Variants in UBE2E2 observed in about 807,000 individuals in gnomAD.
UBE2E2 encodes the protein ubiquitin conjugating enzyme E2 E2.
UBE2E2 carries 6 observed loss-of-function variants against 24.7 expected under a neutral mutation model. The ratio of observed to expected loss-of-function variants is 0.24; its 90% CI spans 0.13 to 0.48. The LOEUF is 0.48. Ranked by LOEUF, UBE2E2 falls within the 20% of genes least tolerant of loss-of-function variation. The pLI, the probability that UBE2E2 is intolerant of heterozygous loss-of-function variation, is 0.99. For synonymous variants in UBE2E2, 104 were observed against 83.6 expected, an observed-to-expected ratio of 1.24 and a Z score of -1.33; for missense variants, 169 against 245.0, an observed-to-expected ratio of 0.69 and a Z score of 2.07.
intron 3 of UBE2E2, among the ~76,000 whole-genome samples, chr3:23,412,045 G>C (rs1029436357): frequency 6.6e-6 from 1 of 152,052 alleles, no homozygotes; most frequent in Admixed American, 6.6e-5. Flanking sequence ...TAAGATTCTT[G>C]TGCAAGCAAC....
chr3:23,258,110 A>C (rs1697786390), intron 3 of UBE2E2, among the ~76,000 whole-genome samples: 1 of 152,214 alleles, frequency 6.6e-6, no homozygotes, highest in South Asian at 2.1e-4. Flanking sequence ...ATGGGATTGG[A>C]ATGCTAGCAG....
chr3:23,360,681 A>G (rs1436817929), intron 3 of UBE2E2, among the ~76,000 whole-genome samples: 1 of 152,172 alleles, frequency 6.6e-6, no homozygotes, highest in Non-Finnish European at 1.5e-5. Context: ...TATTTTTGAA[A>G]GATTACCTGT....
At chr3:23,237,857 G>T (rs1369970675) in intron 3 of UBE2E2, among the ~76,000 whole-genome samples, 1 of 152,106 alleles carries the variant, frequency 6.6e-6, no homozygotes, top group Admixed American at 6.6e-5. Context: ...TTCTAACAGG[G>T]TCTTAATTCA....
chr3:23,522,320 C>A (rs13088756), intron 4 of UBE2E2, among the ~76,000 whole-genome samples: 9,762 of 152,052 alleles, frequency 0.064, 472 homozygotes, highest in Non-Finnish European at 0.088. Context: ...TTAGTAGAGA[C>A]AGGGTTTCAC....
At chr3:23,355,915 C>CT (rs1553605064) in intron 3 of UBE2E2, among the ~76,000 whole-genome samples, 3 of 152,208 alleles carry the variant, frequency 2.0e-5, no homozygotes, top group Non-Finnish European at 4.4e-5. Flanking sequence ...CGTAAATCAT[C>CT]TAAGACTTTC....
At chr3:23,503,717 G>A (rs1202374749) in intron 4 of UBE2E2, among the ~76,000 whole-genome samples, 1 of 151,784 alleles carries the variant, frequency 6.6e-6, no homozygotes, top group Admixed American at 6.6e-5. Flanking sequence ...ATCTGGGCAT[G>A]GTGACTCACA....
intron 3 of UBE2E2, among the ~76,000 whole-genome samples, chr3:23,321,587 T>C (rs2125290031): frequency 6.6e-6 from 1 of 150,408 alleles, no homozygotes; most frequent in Admixed American, 6.7e-5. Flanking sequence ...TGAGAGCTGC[T>C]ACTCAACTGA....
chr3:23,293,991 A>G lies in UBE2E2; in HGVS notation c.227+76679A>G, dbSNP rs188281087. Among the ~76,000 whole-genome samples the G allele has an allele frequency of 5.9e-5, 9 of 152,346 alleles. No individual in the cohort carries two copies. The East Asian group carries it at 1.7e-3, about 29-fold the overall frequency. On this transcript the variant is annotated intron_variant, in intron 3 of 5. Coordinates refer to ENST00000396703, the MANE Select transcript of UBE2E2 (RefSeq NM_152653.4). The stretch of plus-strand genomic sequence containing the variant: ...ATACATTCAACTTTAGAAGTCATAC[A>G]GTACTGTTTCTTTTGAATTGAGAAA...
rs1174177509 is a variant in UBE2E2 at position 23,589,610 on chromosome 3, A to T, written c.509-124A>T. 1.1e-6 allele frequency: 1 copy of T among 900,826 alleles called. No homozygotes were observed. Among genetic ancestry groups the T allele is most frequent in the Non-Finnish European group, 1.7e-6 (1 of 579,552 alleles). The allele number at this position is 900,826 out of a possible 1,614,324, so 55.8% of individuals were successfully genotyped here. A position where few individuals can be genotyped will look rare whatever the true frequency, so the allele number is the denominator to read the frequency against. ...GCAGGTGACTGGCTCAGCCGCAGCA[A>T]TGGTGGTCCAGGTTAGAACAGCAGC... On this transcript the variant is annotated intron_variant, in intron 5 of 5. Coordinates refer to ENST00000396703, the MANE Select transcript of UBE2E2 (RefSeq NM_152653.4). The surrounding 1 kb of genome is among the most constrained non-coding windows in gnomAD (Gnocchi z 4.1).
chr3:23,233,406 A>T (rs986526900), intron 3 of UBE2E2, among the ~76,000 whole-genome samples: 6 of 152,204 alleles, frequency 3.9e-5, no homozygotes, highest in Non-Finnish European at 7.3e-5. Context: ...AGTGGGTGGA[A>T]TAGAATAGAT....
chr3:23,362,319 C>T (rs1266395019), intron 3 of UBE2E2, among the ~76,000 whole-genome samples: 3 of 152,110 alleles, frequency 2.0e-5, no homozygotes, highest in African/African-American at 4.8e-5. Flanking sequence ...GAGCACATCC[C>T]CCTGCGCTTA....
intron 3 of UBE2E2, among the ~76,000 whole-genome samples, chr3:23,261,785 T>C (rs2125354639): frequency 6.6e-6 from 1 of 152,232 alleles, no homozygotes; most frequent in East Asian, 1.9e-4. Context: ...GTGTAGCAAA[T>C]GGCAGGATTT....
intron 3 of UBE2E2, among the ~76,000 whole-genome samples, chr3:23,497,141 A>G (rs1699618430): frequency 2.0e-5 from 3 of 152,216 alleles, no homozygotes; most frequent in African/African-American, 7.2e-5. Context: ...GCAGCTAACC[A>G]CAACTACAGA....
chr3:23,524,416 A>G (rs1228092222), intron 4 of UBE2E2, among the ~76,000 whole-genome samples: 2 of 152,186 alleles, frequency 1.3e-5, no homozygotes, highest in South Asian at 2.1e-4. Context: ...CAGGCAGGCT[A>G]TTAGAACCAT....
chr3:23,472,164 T>G, intron 3 of UBE2E2, among the ~76,000 whole-genome samples: 1 of 152,114 alleles, frequency 6.6e-6, no homozygotes, highest in Non-Finnish European at 1.5e-5. Context: ...GGTGATTGAG[T>G]AAAAATCAAT....
chr3:23,443,228 A>T (rs888468209), intron 3 of UBE2E2, among the ~76,000 whole-genome samples: 1 of 152,294 alleles, frequency 6.6e-6, no homozygotes, highest in Non-Finnish European at 1.5e-5. Flanking sequence ...AATGACCTCA[A>T]ATATCATAAA....
chr3:23,300,998 T>C (rs1699064608), intron 3 of UBE2E2, among the ~76,000 whole-genome samples: 1 of 152,208 alleles, frequency 6.6e-6, no homozygotes, highest in Admixed American at 6.5e-5. Flanking sequence ...TATTCTTTTT[T>C]CTCTAAACTT....
At chr3:23,371,840 G>C (rs1447775556) in intron 3 of UBE2E2, among the ~76,000 whole-genome samples, 2 of 152,158 alleles carry the variant, frequency 1.3e-5, no homozygotes, top group Non-Finnish European at 2.9e-5. Context: ...CATTGAGACT[G>C]GGCACCGTGG....
chr3:23,422,837 T>G (rs747976155), intron 3 of UBE2E2, among the ~76,000 whole-genome samples: 4 of 151,962 alleles, frequency 2.6e-5, no homozygotes, highest in Admixed American at 2.0e-4. Context: ...CAAAAGTGTC[T>G]AGGGAAGGGT....
Sources: gnomAD v4.1 joint callset for allele counts (sites outside exome capture counted in the v4.1 genomes callset) on GRCh38, gnomAD v4.1.1 for gene constraint, Gnocchi (gnomAD v3.1) non-coding constraint, MANE v1.5 for transcripts, NCBI Gene and HGNC (gene_info 2026-07-23, HGNC 2026-07-21) for gene names.